Variants in PDE4B observed in about 807,000 individuals in gnomAD.
PDE4B encodes phosphodiesterase 4B.
PDE4B carries 20 observed loss-of-function variants against 82.2 expected under a neutral mutation model. The ratio of observed to expected loss-of-function variants is 0.24; its 90% CI spans 0.17 to 0.35. The LOEUF is 0.35. Among genes scored for constraint, PDE4B ranks in the 10% least tolerant of loss-of-function variants. The pLI, the probability that PDE4B is intolerant of heterozygous loss-of-function variation, is 1.00. For missense variants in PDE4B, 655 were observed against 907.2 expected (o/e 0.72, Z 3.57); for synonymous variants, 320 against 318.9 (o/e 1.00, Z -0.04).
chr1:66,102,226 G>T (rs1319189225), intron 3 of PDE4B, among the ~76,000 whole-genome samples: 1 of 151,710 alleles, frequency 6.6e-6, no homozygotes, highest in African/African-American at 2.4e-5. Context: ...GAGTTTTTTG[G>T]GTTTGTTTTT....
intron 3 of PDE4B, among the ~76,000 whole-genome samples, chr1:66,167,779 G>C (rs1230397011): frequency 6.6e-6 from 1 of 152,140 alleles, no homozygotes; most frequent in Non-Finnish European, 1.5e-5. Context: ...GAATCATGTG[G>C]TGAATTAGCC....
chr1:66,180,358 C>T (rs185660508), intron 3 of PDE4B, among the ~76,000 whole-genome samples: 1 of 152,268 alleles, frequency 6.6e-6, no homozygotes, highest in African/African-American at 2.4e-5. Flanking sequence ...GTGAATCAAG[C>T]TACGTATCAT....
chr1:66,262,306 C>A (rs765515300), intron 6 of PDE4B, among the ~76,000 whole-genome samples: 1 of 152,178 alleles, frequency 6.6e-6, no homozygotes. Flanking sequence ...GGACTCAGTA[C>A]GTTGTAAATC....
chr1:66,238,038 A>G (rs1054414526), intron 3 of PDE4B, among the ~76,000 whole-genome samples: 5 of 152,220 alleles, frequency 3.3e-5, no homozygotes, highest in African/African-American at 1.2e-4. Context: ...TAATGGGTTA[A>G]GGAAGGAATT....
chr1:66,180,063 C>T (rs933073987), intron 3 of PDE4B, among the ~76,000 whole-genome samples: 1 of 152,112 alleles, frequency 6.6e-6, no homozygotes, highest in Non-Finnish European at 1.5e-5. Context: ...ACACAGCATG[C>T]CATTGTGTGC....
At chr1:65,841,113 A>G (rs559460579) in intron 1 of PDE4B, among the ~76,000 whole-genome samples, 10 of 152,154 alleles carry the variant, frequency 6.6e-5, no homozygotes, top group Non-Finnish European at 1.5e-4. Context: ...CCTAGGCAAC[A>G]TGGTGAAATC....
chr1:66,147,404 C>G (rs1373525076), intron 3 of PDE4B, among the ~76,000 whole-genome samples: 1 of 152,138 alleles, frequency 6.6e-6, no homozygotes, highest in African/African-American at 2.4e-5. Context: ...TAGCTGATGG[C>G]AGGATTGGGA....
chr1:66,019,736 C>A (rs541684017), intron 3 of PDE4B, among the ~76,000 whole-genome samples: 10 of 152,280 alleles, frequency 6.6e-5, no homozygotes, highest in Non-Finnish European at 8.8e-5. Flanking sequence ...CAGCCAGAAA[C>A]AGAAAGGATT....
chr1:65,894,286 A>T (rs772170592), intron 1 of PDE4B, among the ~76,000 whole-genome samples: 3 of 152,188 alleles, frequency 2.0e-5, no homozygotes, highest in Admixed American at 6.6e-5. Flanking sequence ...TTTTCTAAGT[A>T]ACTTAAAGAG....
intron 3 of PDE4B, among the ~76,000 whole-genome samples, chr1:66,014,195 C>T (rs1652644990): frequency 6.6e-6 from 1 of 152,058 alleles, no homozygotes; most frequent in Admixed American, 6.6e-5. Flanking sequence ...GGTATTAGCC[C>T]ATTGTCAGAT....
intron 3 of PDE4B, among the ~76,000 whole-genome samples, chr1:66,047,227 A>G (rs1211242002): frequency 6.6e-6 from 1 of 151,368 alleles, no homozygotes; most frequent in Non-Finnish European, 1.5e-5. Context: ...ATTTAGTTGG[A>G]CTCCAGGCTG....
intron 3 of PDE4B, among the ~76,000 whole-genome samples, chr1:66,167,122 C>A (rs1646749637): frequency 6.6e-6 from 1 of 152,076 alleles, no homozygotes; most frequent in Non-Finnish European, 1.5e-5. Flanking sequence ...AATGGTGTGA[C>A]CATATTGGAA....
chr1:65,904,481 G>A (rs1251935167), intron 1 of PDE4B, among the ~76,000 whole-genome samples: 1 of 152,048 alleles, frequency 6.6e-6, no homozygotes, highest in East Asian at 1.9e-4. Context: ...GAGATTACAT[G>A]AAAGAGTAGC....
chr1:66,363,917 T>C (rs184133361), intron 12 of PDE4B, among the ~76,000 whole-genome samples: 2 of 152,340 alleles, frequency 1.3e-5, no homozygotes, highest in East Asian at 3.9e-4. Flanking sequence ...AAAAAATGAA[T>C]GACATTTCTA....
chr1:66,190,094 G>T (rs1165549477), intron 3 of PDE4B, among the ~76,000 whole-genome samples: 1 of 152,172 alleles, frequency 6.6e-6, no homozygotes, highest in African/African-American at 2.4e-5. Flanking sequence ...TTTACTGGAG[G>T]TCCACTCCAG....
intron 1 of PDE4B, among the ~76,000 whole-genome samples, chr1:65,849,465 G>A (rs1308338889): frequency 4.6e-5 from 7 of 152,184 alleles, no homozygotes; most frequent in Non-Finnish European, 8.8e-5. Context: ...GCATCCTGAG[G>A]AGGTGTTGAA....
chr1:66,255,827 A>C (rs1028968634), intron 4 of PDE4B, among the ~76,000 whole-genome samples: 3 of 152,126 alleles, frequency 2.0e-5, no homozygotes, highest in Non-Finnish European at 4.4e-5. Flanking sequence ...GAGTTCATGG[A>C]TATTTTGTAT....
At chr1:66,014,623 G>A (rs1173924364) in intron 3 of PDE4B, among the ~76,000 whole-genome samples, 1 of 152,164 alleles carries the variant, frequency 6.6e-6, no homozygotes, top group Non-Finnish European at 1.5e-5. Context: ...TAAACCTGGA[G>A]TTCCTCTCAT....
At chr1:66,319,921 C>T (rs1024283515) in intron 7 of PDE4B, among the ~76,000 whole-genome samples, 14 of 152,142 alleles carry the variant, frequency 9.2e-5, no homozygotes, top group Admixed American at 7.9e-4. Flanking sequence ...CTTAATCTAA[C>T]ATTAAAAACC....
Sources: gnomAD v4.1 joint callset for allele counts (sites outside exome capture counted in the v4.1 genomes callset) on GRCh38, gnomAD v4.1.1 for gene constraint, MANE v1.5 for transcripts, NCBI Gene and HGNC (gene_info 2026-07-23, HGNC 2026-07-21) for gene names.